RBMS1: variants seen among roughly 807,000 people sequenced by gnomAD.
The protein encoded by RBMS1 is RNA-binding motif, single-stranded-interacting protein 1.
RBMS1 carries 17 observed loss-of-function variants against 62.3 expected under a neutral mutation model. The ratio of observed to expected loss-of-function variants is 0.27; its 90% confidence interval spans 0.19 to 0.41. The LOEUF is 0.41. RBMS1 is among the 10% of genes least tolerant of loss of function. The probability of loss-of-function intolerance (pLI) is 1.00; values close to 1 mark genes in which losing one functional copy is unlikely to be tolerated. For synonymous variants in RBMS1, 172 were observed against 170.0 expected (o/e 1.01, Z -0.09); for missense variants, 334 against 504.5 (o/e 0.66, Z 3.24).
At chr2:160,308,518 G>C (rs1689676519) in intron 4 of RBMS1, among the ~76,000 whole-genome samples, 1 of 152,112 alleles carries the variant, frequency 6.6e-6, no homozygotes, top group Non-Finnish European at 1.5e-5. Flanking sequence ...TCAAACTCAT[G>C]GTTCTATGGT....
intron 1 of RBMS1, among the ~76,000 whole-genome samples, chr2:160,402,959 A>G (rs1222525903): frequency 6.6e-6 from 1 of 152,228 alleles, no homozygotes; most frequent in Non-Finnish European, 1.5e-5. Flanking sequence ...TCTCAAAAAT[A>G]AAAGTACTAA....
At chr2:160,455,869 G>T (rs1467364533) in intron 1 of RBMS1, among the ~76,000 whole-genome samples, 1 of 151,788 alleles carries the variant, frequency 6.6e-6, no homozygotes, top group Non-Finnish European at 1.5e-5. Context: ...ATTTTTAGTA[G>T]AGACGGGGTT....
intron 4 of RBMS1, among the ~76,000 whole-genome samples, chr2:160,309,335 T>G (rs764295611): frequency 1.3e-5 from 2 of 152,092 alleles, no homozygotes; most frequent in African/African-American, 4.8e-5. Context: ...ATGGATACAA[T>G]AGATAGATGT....
At position 160,290,277 on chromosome 2, in the gene RBMS1, AAG is replaced by A. The variant is rs1688614562; in HGVS notation, c.641-3195_641-3194del. ...GTTTTTTACAAGGGAGAGATACCGG[AAG>A]ACTGACATGCAGAAAAGGAAGTGCC... On this transcript the variant is annotated intron_variant, in intron 6 of 13. Coordinates refer to ENST00000348849, the MANE Select transcript of RBMS1 (RefSeq NM_016836.4). Among the ~76,000 whole-genome samples the A allele has an allele frequency of 5.3e-5, 8 of 151,486 alleles. No homozygotes were observed. The South Asian group carries it at 6.4e-4, about 12-fold the overall frequency.
At chr2:160,488,644 C>T (rs1409268902) in intron 1 of RBMS1, among the ~76,000 whole-genome samples, 1 of 152,110 alleles carries the variant, frequency 6.6e-6, no homozygotes, top group African/African-American at 2.4e-5. Context: ...ATCCCCAAGC[C>T]GATGTTCAAC....
chr2:160,298,808 G>A (rs191724154), intron 6 of RBMS1, among the ~76,000 whole-genome samples: 7 of 152,278 alleles, frequency 4.6e-5, no homozygotes, highest in Non-Finnish European at 7.4e-5. Context: ...AGATCATGGC[G>A]AGGGGGTAGG....
At chr2:160,425,628 G>T (rs1216120194) in intron 1 of RBMS1, among the ~76,000 whole-genome samples, 2 of 152,168 alleles carry the variant, frequency 1.3e-5, no homozygotes, top group Non-Finnish European at 2.9e-5. Flanking sequence ...AATGGCAGTA[G>T]ACAGTAAGAA....
chr2:160,276,568 T>G (rs1210513433), intron 12 of RBMS1: 2 of 152,242 alleles, frequency 1.3e-5, no homozygotes. Context: ...TCTCTAACCA[T>G]AATTCAAATG....
chr2:160,333,139 TG>T (rs1324745660), intron 2 of RBMS1, among the ~76,000 whole-genome samples: 2 of 151,642 alleles, frequency 1.3e-5, no homozygotes, highest in Non-Finnish European at 2.9e-5. Context: ...ATGATGGAGG[TG>T]GGGGCAGAAA....
rs149437763 is a variant in RBMS1 at position 160,445,026 on chromosome 2, T to C, written c.75+48263A>G. Among the ~76,000 whole-genome samples the C allele has an allele frequency of 3.0e-3, 464 of 152,266 alleles. 5 individuals carry two copies. The highest frequency in any genetic ancestry group is 0.011 in the African/African-American group (450 of 41,548). On this transcript the variant is annotated intron_variant, in intron 1 of 13. Coordinates refer to ENST00000348849, the MANE Select transcript of RBMS1 (RefSeq NM_016836.4). ...CCCGAGCAGACTAATCAATCCACTC[T>C]GGAAATTTCCCTTCCCAGAGACTTC... is the stretch of plus-strand genomic sequence containing the variant.
chr2:160,386,922 T>A (rs2105201621), intron 1 of RBMS1, among the ~76,000 whole-genome samples: 1 of 152,372 alleles, frequency 6.6e-6, no homozygotes, highest in Non-Finnish European at 1.5e-5. Context: ...GATTATTTAT[T>A]CCTATTACAA....
intron 2 of RBMS1, among the ~76,000 whole-genome samples, chr2:160,327,201 C>CT (rs1442490207): frequency 3.9e-5 from 6 of 152,162 alleles, no homozygotes; most frequent in African/African-American, 1.4e-4. Flanking sequence ...TCAACACATC[C>CT]TTTGAGAGTA....
rs188901989 is a variant in RBMS1 at position 160,342,782 on chromosome 2, A to G, written c.251+24434T>C. Among the ~76,000 whole-genome samples the G allele has an allele frequency of 1.0e-4, 15 of 150,742 alleles. No individual in the cohort carries two copies. In the South Asian group the frequency reaches 1.0e-3, roughly 11 times the overall value. On this transcript the variant is annotated intron_variant, in intron 2 of 13. Coordinates refer to ENST00000348849, the MANE Select transcript of RBMS1 (RefSeq NM_016836.4). ...AAATACAAAATACAAAAAAAAAAAA[A>G]AAAAAAATAGCCGGGTACGGTGGCA...
intron 2 of RBMS1, among the ~76,000 whole-genome samples, chr2:160,345,888 G>T (rs1293782563): frequency 2.0e-5 from 3 of 152,120 alleles, no homozygotes; most frequent in Non-Finnish European, 4.4e-5. Flanking sequence ...GGATACCACT[G>T]TAACAGTCCA....
At chr2:160,483,935 GGTCT>G (rs1353597889) in intron 1 of RBMS1, among the ~76,000 whole-genome samples, 1 of 151,700 alleles carries the variant, frequency 6.6e-6, no homozygotes, top group African/African-American at 2.4e-5. Flanking sequence ...AGGGATCTCT[GGTCT>G]GTCTGATTCA....
intron 5 of RBMS1, among the ~76,000 whole-genome samples, chr2:160,301,489 G>A (rs904632563): frequency 9.8e-5 from 15 of 152,290 alleles, no homozygotes; most frequent in South Asian, 6.2e-4. Context: ...AACAAACAGT[G>A]ATAGTTTCAA....
chr2:160,406,712 A>G (rs1446350686), intron 1 of RBMS1, among the ~76,000 whole-genome samples: 1 of 152,244 alleles, frequency 6.6e-6, no homozygotes, highest in Non-Finnish European at 1.5e-5. Flanking sequence ...CTTCTTTTAA[A>G]AACAAAGATG....
intron 2 of RBMS1, among the ~76,000 whole-genome samples, chr2:160,341,715 C>T (rs1691884308): frequency 6.6e-6 from 1 of 152,136 alleles, no homozygotes; most frequent in South Asian, 2.1e-4. Context: ...TGCTGTGCTA[C>T]CATCTGTTTT....
In RBMS1 at chr2:160,402,426, T is replaced by A. The variant is rs1292696171; in HGVS notation, c.76-35035A>T. Among the ~76,000 whole-genome samples the A allele has an allele frequency of 3.9e-5, 6 of 152,348 alleles. No individual in the cohort carries two copies. The South Asian group carries it at 1.2e-3, about 32-fold the overall frequency. ...TTTATAATGAGTTTTAAAAAGCGAATTGGATTTCCCTGAGAGAGGGCTGCT... is the reference window on the plus strand; with the variant it reads ...TTTATAATGAGTTTTAAAAAGCGAAATGGATTTCCCTGAGAGAGGGCTGCT... On this transcript the variant is annotated intron_variant, in intron 1 of 13. Coordinates refer to ENST00000348849, the MANE Select transcript of RBMS1 (RefSeq NM_016836.4).
Sources: gnomAD v4.1 joint callset for allele counts (sites outside exome capture counted in the v4.1 genomes callset) on GRCh38, gnomAD v4.1.1 for gene constraint, MANE v1.5 for transcripts, NCBI Gene and HGNC (gene_info 2026-07-23, HGNC 2026-07-21) for gene names.